Variants in PCSK2 observed in about 807,000 individuals in gnomAD.
PCSK2 encodes proprotein convertase subtilisin/kexin type 2.
PCSK2 carries 14 observed loss-of-function variants against 69.7 expected under a neutral mutation model. The ratio of observed to expected loss-of-function variants is 0.20; its 90% CI spans 0.13 to 0.31. PCSK2 has a LOEUF of 0.31. Ranked by LOEUF, PCSK2 falls within the 10% of genes least tolerant of loss-of-function variation. The probability of loss-of-function intolerance (pLI) is 1.00; values close to 1 mark genes in which losing one functional copy is unlikely to be tolerated. For synonymous variants in PCSK2, 307 were observed against 320.7 expected (o/e 0.96, Z 0.46); for missense variants, 544 against 842.5 (o/e 0.65, Z 4.39).
At chr20:17,466,072 G>A (rs774666100) in intron 11 of PCSK2, among the ~76,000 whole-genome samples, 2 of 152,122 alleles carry the variant, frequency 1.3e-5, no homozygotes, top group African/African-American at 2.4e-5. Flanking sequence ...TTTTGGTTGT[G>A]AGCCTTAACT....
At chr20:17,480,099 A>G (rs912271307) in intron 11 of PCSK2, among the ~76,000 whole-genome samples, 1 of 149,862 alleles carries the variant, frequency 6.7e-6, no homozygotes, top group East Asian at 2.0e-4. Context: ...CCTCGCTCCA[A>G]CTCTCGCCAA....
chr20:17,277,587 T>G (rs6111482), intron 2 of PCSK2, among the ~76,000 whole-genome samples: 3 of 149,592 alleles, frequency 2.0e-5, no homozygotes, highest in South Asian at 2.1e-4. Flanking sequence ...ATTAAAGACT[T>G]AAATGTTAGA....
chr20:17,407,712 G>T (rs1250669958), intron 5 of PCSK2, among the ~76,000 whole-genome samples: 1 of 152,126 alleles, frequency 6.6e-6, no homozygotes, highest in African/African-American at 2.4e-5. Context: ...GCAATCTGGG[G>T]TCTAAGTGGG....
intron 11 of PCSK2, among the ~76,000 whole-genome samples, chr20:17,476,269 T>G (rs2033287382): frequency 6.6e-6 from 1 of 152,224 alleles, no homozygotes; most frequent in African/African-American, 2.4e-5. Context: ...GTTGTTGTTC[T>G]TATCAGATTC....
intron 11 of PCSK2, among the ~76,000 whole-genome samples, chr20:17,471,434 T>C (rs1012637837): frequency 2.0e-5 from 3 of 152,212 alleles, no homozygotes; most frequent in African/African-American, 7.2e-5. Context: ...GACTGGGCCC[T>C]CGTCTGTCAT....
chr20:17,253,439 T>A (rs1008310449), intron 1 of PCSK2, among the ~76,000 whole-genome samples: 1 of 152,220 alleles, frequency 6.6e-6, no homozygotes, highest in Non-Finnish European at 1.5e-5. Flanking sequence ...TCTGGACATT[T>A]CATATAAAGA....
intron 6 of PCSK2, among the ~76,000 whole-genome samples, chr20:17,417,333 C>A (rs766146905): frequency 4.7e-5 from 7 of 149,828 alleles, no homozygotes; most frequent in Non-Finnish European, 9.0e-5. Flanking sequence ...TCATTGTCAG[C>A]GGTAAGAATT....
intron 2 of PCSK2, among the ~76,000 whole-genome samples, chr20:17,336,909 CT>C (rs1331557004): frequency 1.3e-5 from 2 of 152,148 alleles, no homozygotes; most frequent in Non-Finnish European, 2.9e-5. Flanking sequence ...TGGTTATACC[CT>C]TGGAAATGAC....
chr20:17,437,691 G>C (rs898476842), intron 8 of PCSK2, among the ~76,000 whole-genome samples: 7 of 152,174 alleles, frequency 4.6e-5, no homozygotes, highest in East Asian at 1.9e-4. Flanking sequence ...TCCCAGTCTC[G>C]ACTGCCGCTT....
chr20:17,334,790 A>G (rs1304418800), intron 2 of PCSK2, among the ~76,000 whole-genome samples: 1 of 152,164 alleles, frequency 6.6e-6, no homozygotes, highest in Non-Finnish European at 1.5e-5. Flanking sequence ...CACCAACTGA[A>G]TCTTCAAGCA....
chr20:17,437,137 CG>C (rs56107600), intron 8 of PCSK2, among the ~76,000 whole-genome samples: 97,691 of 148,142 alleles, frequency 0.66, 31,718 homozygotes, highest in South Asian at 0.74. Context: ...AGGAAGGGGC[CG>C]GGGGGGGGAG....
chr20:17,350,605 T>C (rs945323444), intron 2 of PCSK2, among the ~76,000 whole-genome samples: 4 of 152,146 alleles, frequency 2.6e-5, no homozygotes, highest in Non-Finnish European at 4.4e-5. Context: ...TATGTGCCCA[T>C]AGGGAGAGGC....
intron 5 of PCSK2, among the ~76,000 whole-genome samples, chr20:17,394,304 G>T (rs2031457455): frequency 6.6e-6 from 1 of 152,178 alleles, no homozygotes; most frequent in Non-Finnish European, 1.5e-5. Context: ...TGATACATTT[G>T]TTGAGAGTCT....
chr20:17,338,730 G>T lies in PCSK2; in HGVS notation c.283-19597G>T, dbSNP rs574091549. 3.8e-4 allele frequency among the ~76,000 whole-genome samples: 58 copies of T among 152,226 alleles called. 2 individuals are homozygous for T. The South Asian group carries it at 0.012, about 31-fold the overall frequency. ...GGGGTCATTCCCAGGGAGAGGGATG[G>T]TACTAGGAGATGAGACAGGACTGGG... On this transcript the variant is annotated intron_variant, in intron 2 of 11. Coordinates refer to ENST00000262545, the MANE Select transcript of PCSK2 (RefSeq NM_002594.5).
Position 17,456,457 on chromosome 20 carries a change from A to G in PCSK2, c.1202+9A>G, listed in dbSNP as rs934306028. 4 of 1,510,664 alleles carry G rather than the reference A, an allele frequency of 2.6e-6. No individual in the cohort carries two copies. The highest frequency in any genetic ancestry group is 1.1e-5 in the South Asian group (1 of 88,926). The allele number at this position is 1,510,664 out of a possible 1,614,324, so 93.6% of individuals were successfully genotyped here. A position where few individuals can be genotyped will look rare whatever the true frequency, so the allele number is the denominator to read the frequency against. On this transcript the variant is annotated intron_variant, in intron 10 of 11. Coordinates refer to ENST00000262545, the MANE Select transcript of PCSK2 (RefSeq NM_002594.5). ...CTGGCTCTGGAGGCTAAGTATGTTCATAGCTCTGGGTCCAGGGCCAGCTCT... is the reference window on the plus strand; with the variant it reads ...CTGGCTCTGGAGGCTAAGTATGTTCGTAGCTCTGGGTCCAGGGCCAGCTCT...
intron 2 of PCSK2, among the ~76,000 whole-genome samples, chr20:17,329,321 A>G (rs8118941): frequency 0.011 from 1,617 of 152,334 alleles, 21 homozygotes; most frequent in African/African-American, 0.036. Flanking sequence ...CACTAAAAAG[A>G]GGGTTATCAT....
chr20:17,313,894 C>T (rs565174392), intron 2 of PCSK2, among the ~76,000 whole-genome samples: 1 of 152,264 alleles, frequency 6.6e-6, no homozygotes, highest in East Asian at 1.9e-4. Context: ...ATCGTGTGTA[C>T]CTGATTGTAA....
At chr20:17,356,388 T>C (rs1415129030) in intron 2 of PCSK2, among the ~76,000 whole-genome samples, 1 of 152,142 alleles carries the variant, frequency 6.6e-6, no homozygotes, top group Non-Finnish European at 1.5e-5. Context: ...TTTCCACATG[T>C]ATAGATTTTC....
chr20:17,315,106 C>T (rs984814093), intron 2 of PCSK2, among the ~76,000 whole-genome samples: 15 of 152,286 alleles, frequency 9.8e-5, no homozygotes, highest in Admixed American at 3.3e-4. Flanking sequence ...TCTGCGGATT[C>T]CTCCAGCCCA....
Sources: allele counts gnomAD v4.1 joint callset (sites outside exome capture counted in the v4.1 genomes callset), GRCh38; gene constraint gnomAD v4.1.1; transcripts MANE v1.5; gene names NCBI Gene and HGNC (gene_info 2026-07-23, HGNC 2026-07-21).